STX8: variants seen among roughly 807,000 people sequenced by gnomAD.
The protein encoded by STX8 is syntaxin 8.
A neutral mutation model predicts 37.5 loss-of-function variants in STX8; 23 were observed. The ratio of observed to expected loss-of-function variants is 0.61; its 90% CI spans 0.44 to 0.87. The LOEUF (loss-of-function observed/expected upper bound fraction) is 0.87. STX8 is among the 40% of genes least tolerant of loss of function. The pLI is 0.00. For missense variants in STX8, 313 were observed against 284.7 expected (o/e 1.10, Z -0.71); for synonymous variants, 115 against 99.1 (o/e 1.16, Z -0.95).
chr17:9,472,852 T>C (rs541968425), intron 6 of STX8, among the ~76,000 whole-genome samples: 1 of 152,300 alleles, frequency 6.6e-6, no homozygotes, highest in East Asian at 1.9e-4. Flanking sequence ...TCTAGTTAGA[T>C]GGCTTCTCAG....
At chr17:9,283,486 G>C (rs544052542) in intron 7 of STX8, among the ~76,000 whole-genome samples, 159 of 152,316 alleles carry the variant, frequency 1.0e-3, no homozygotes, top group Non-Finnish European at 1.6e-3. Context: ...GTTGCAGTGA[G>C]CCAAGACCAT....
At chr17:9,452,511 TGGTA>T (rs1905074110) in intron 6 of STX8, 1 of 152,128 alleles carries the variant, frequency 6.6e-6, no homozygotes, top group African/African-American at 2.4e-5. Context: ...TTCAGGTAGG[TGGTA>T]GGAAGTGCCC....
At chr17:9,457,168 C>A (rs1422776361) in intron 6 of STX8, among the ~76,000 whole-genome samples, 1 of 152,218 alleles carries the variant, frequency 6.6e-6, no homozygotes, top group East Asian at 1.9e-4. Flanking sequence ...GCTGCTATAA[C>A]CAATTCCCAC....
At chr17:9,303,117 C>G (rs1259525876) in intron 7 of STX8, among the ~76,000 whole-genome samples, 1 of 151,930 alleles carries the variant, frequency 6.6e-6, no homozygotes, top group Non-Finnish European at 1.5e-5. Flanking sequence ...CATGGTGAAC[C>G]CCGTCTCTAC....
intron 7 of STX8, among the ~76,000 whole-genome samples, chr17:9,291,278 C>T (rs1263997787): frequency 1.3e-5 from 2 of 151,900 alleles, no homozygotes; most frequent in Non-Finnish European, 2.9e-5. Flanking sequence ...AACCTCGTGT[C>T]CACTAAAAAC....
rs143279467 is a variant in STX8, at chr17:9,371,624, A to C, written c.643+6928T>G. Among the ~76,000 whole-genome samples the C allele has an allele frequency of 8.6e-3, 1,255 of 146,332 alleles. 15 individuals are homozygous for C. The highest frequency in any genetic ancestry group is 0.031 in the African/African-American group (1,155 of 37,260). ...CTCTTCAAGATGCTAACATTTATCA[A>C]ATGGATTATGCTTTTTTTTTTTTTC... On this transcript the variant is annotated intron_variant, in intron 7 of 7. Transcript: ENST00000306357.
intron 7 of STX8, among the ~76,000 whole-genome samples, chr17:9,310,988 T>C (rs1057189494): frequency 1.3e-5 from 2 of 152,034 alleles, no homozygotes; most frequent in Non-Finnish European, 2.9e-5. Context: ...CCTGTAATCC[T>C]AGCACTTTGG....
chr17:9,315,449 C>T (rs906868768), intron 7 of STX8, among the ~76,000 whole-genome samples: 3 of 152,194 alleles, frequency 2.0e-5, no homozygotes, highest in African/African-American at 7.2e-5. Flanking sequence ...TTCCATCTCA[C>T]CCTTTGATGT....
At chr17:9,261,473 A>G (rs1428202278) in intron 7 of STX8, among the ~76,000 whole-genome samples, 1 of 152,166 alleles carries the variant, frequency 6.6e-6, no homozygotes, top group African/African-American at 2.4e-5. Flanking sequence ...AAAGGCAGAA[A>G]AATCAACCCT....
intron 5 of STX8, among the ~76,000 whole-genome samples, chr17:9,499,600 A>G (rs913861661): frequency 6.6e-6 from 1 of 152,080 alleles, no homozygotes; most frequent in Non-Finnish European, 1.5e-5. Flanking sequence ...GGGTTTCACC[A>G]TGTTGGCCAG....
At chr17:9,428,275 T>C (rs536847343) in intron 6 of STX8, among the ~76,000 whole-genome samples, 107 of 152,294 alleles carry the variant, frequency 7.0e-4, no homozygotes, top group South Asian at 8.3e-4. Flanking sequence ...GGAGTCTCAC[T>C]CTGTCTCCAG....
intron 6 of STX8, among the ~76,000 whole-genome samples, chr17:9,428,008 G>A (rs1403093963): frequency 1.3e-5 from 2 of 152,034 alleles, no homozygotes; most frequent in African/African-American, 4.8e-5. Flanking sequence ...GAGCTGACTC[G>A]TGCTATGGAC....
At chr17:9,255,657 C>T (rs1452338277) in intron 7 of STX8, among the ~76,000 whole-genome samples, 2 of 151,842 alleles carry the variant, frequency 1.3e-5, no homozygotes, top group African/African-American at 4.8e-5. Context: ...GGTTCTTGTC[C>T]CAAGATGAAA....
chr17:9,433,711 A>T (rs1185913404), intron 6 of STX8, among the ~76,000 whole-genome samples: 1 of 149,784 alleles, frequency 6.7e-6, no homozygotes, highest in Admixed American at 6.6e-5. Context: ...AAAACGGGGG[A>T]AGGGAGGGTG....
At chr17:9,388,011 T>C (rs1170426086) in intron 6 of STX8, among the ~76,000 whole-genome samples, 1 of 151,996 alleles carries the variant, frequency 6.6e-6, no homozygotes, top group Non-Finnish European at 1.5e-5. Context: ...GAAAACGAAG[T>C]TTTTCATTTT....
intron 6 of STX8, among the ~76,000 whole-genome samples, chr17:9,429,950 A>T (rs868724166): frequency 1.7e-4 from 1 of 5,830 alleles, no homozygotes; most frequent in Non-Finnish European, 2.3e-4. Flanking sequence ...AGAATATATT[A>T]TATATAATAT....
chr17:9,443,287 G>A (rs77123487), intron 6 of STX8, among the ~76,000 whole-genome samples: 7,305 of 152,104 alleles, frequency 0.048, 478 homozygotes, highest in African/African-American at 0.15. Context: ...GCAGCCATAG[G>A]GCCTTCAACT....
At chr17:9,261,018 G>A (rs749709200) in intron 7 of STX8, among the ~76,000 whole-genome samples, 8 of 152,170 alleles carry the variant, frequency 5.3e-5, no homozygotes, top group Non-Finnish European at 1.2e-4. Flanking sequence ...GTGGGGGTTG[G>A]GATGAGAGAA....
At chr17:9,321,030 G>C (rs1464495572) in intron 7 of STX8, among the ~76,000 whole-genome samples, 1 of 151,744 alleles carries the variant, frequency 6.6e-6, no homozygotes, top group African/African-American at 2.4e-5. Context: ...AGAGAGACGA[G>C]AGAAGAGGTA....
Sources: gnomAD v4.1 joint callset for allele counts (sites outside exome capture counted in the v4.1 genomes callset) on GRCh38, gnomAD v4.1.1 for gene constraint, MANE v1.5 for transcripts, NCBI Gene and HGNC (gene_info 2026-07-23, HGNC 2026-07-21) for gene names.